The following NMT1 variants were observed in gnomAD, a reference collection of about 807,000 sequenced individuals.
NMT1 encodes the protein glycylpeptide N-tetradecanoyltransferase 1.
NMT1 carries 12 observed loss-of-function variants against 63.4 expected under a neutral mutation model. The observed-to-expected ratio is 0.19, with a 90% CI of 0.12 to 0.31. NMT1 has a LOEUF of 0.31. NMT1 is among the 10% of genes least tolerant of loss of function. The probability of loss-of-function intolerance (pLI) is 1.00; values close to 1 mark genes in which losing one functional copy is unlikely to be tolerated. For missense variants in NMT1, 432 were observed against 634.6 expected, an observed-to-expected ratio of 0.68 and a Z score of 3.43; for synonymous variants, 228 against 234.3, an observed-to-expected ratio of 0.97 and a Z score of 0.25.
At chr17:45,071,909 T>C (rs559509864) in intron 1 of NMT1, among the ~76,000 whole-genome samples, 196 of 152,252 alleles carry the variant, frequency 1.3e-3, no homozygotes, top group Non-Finnish European at 1.6e-3. Flanking sequence ...GGACCTGTTT[T>C]AGCTTCTCAA....
In NMT1 at chr17:45,104,671, A is replaced by T. The variant is rs2143526000; in HGVS notation, c.1333-188A>T. 1 of 1,426,012 alleles carries T rather than the reference A, an allele frequency of 7.0e-7. No individual in the cohort carries two copies. The highest frequency in any genetic ancestry group is 2.5e-5 in the East Asian group (1 of 39,226). 88.3% of individuals were successfully genotyped at this position (1,426,012 alleles called of 1,614,324 possible). On this transcript the variant is annotated intron_variant, in intron 10 of 11. Transcript: ENST00000258960. This position sits in a 1 kb window ranked among gnomAD's most constrained non-coding sequence, Gnocchi z 4.2. ...GGACACTGGGCAGAGGCCAGGCTGG[A>T]GGGGGCGCTCAGAGTGTCCTGAGAA...
Position 45,104,461 on chromosome 17 carries a change from G to A in NMT1, c.1333-398G>A, listed in dbSNP as rs1039869032. The A allele has an allele frequency of 1.6e-5, 17 of 1,091,748 alleles. No individual in the cohort carries two copies. In the South Asian group the frequency reaches 3.1e-4, roughly 20 times the overall value. 67.6% of individuals were successfully genotyped at this position (1,091,748 alleles called of 1,614,324 possible). ...GTGCACTGAGGGCCTGAGAGTTGGG[G>A]CATCCATGGAGTAAGGAAGCAACAC... On this transcript the variant is annotated intron_variant, in intron 10 of 11. Transcript: ENST00000258960. This position sits in a 1 kb window ranked among gnomAD's most constrained non-coding sequence, Gnocchi z 4.2.
chr17:45,065,350 A>G (rs531636785), intron 1 of NMT1, among the ~76,000 whole-genome samples: 21 of 152,208 alleles, frequency 1.4e-4, no homozygotes, highest in African/African-American at 3.9e-4. Context: ...GAGGCAGGGC[A>G]TGGTGGCTCA....
At chr17:45,100,863 A>C (rs1362619217) in intron 8 of NMT1, among the ~76,000 whole-genome samples, 4 of 5,168 alleles carry the variant, frequency 7.7e-4, no homozygotes, top group South Asian at 4.6e-3. Context: ...ACTCCGTCTC[A>C]AAAAAAAAAA....
chr17:45,064,084 C>A (rs1363302251), intron 1 of NMT1, among the ~76,000 whole-genome samples: 1 of 152,224 alleles, frequency 6.6e-6, no homozygotes, highest in Non-Finnish European at 1.5e-5. Flanking sequence ...ACTCGGGAGG[C>A]TGAGGCAGGA....
intron 1 of NMT1, among the ~76,000 whole-genome samples, chr17:45,068,453 CAGAG>C (rs369315227): frequency 1.2e-3 from 176 of 152,296 alleles, no homozygotes; most frequent in African/African-American, 4.0e-3. Context: ...GTCTGGGCGA[CAGAG>C]AGAGCCTCCA....
In NMT1 at chr17:45,104,563, A is replaced by G. The variant is rs1318857688; in HGVS notation, c.1333-296A>G. On this transcript the variant is annotated intron_variant, in intron 10 of 11. Transcript: ENST00000258960. This position sits in a 1 kb window ranked among gnomAD's most constrained non-coding sequence, Gnocchi z 4.2. ...TTTGGACTCCAGAGAGGACTGTGGAAATTACTAGAGTTTCAGGGAGGCATA... is the reference window on the plus strand; with the variant it reads ...TTTGGACTCCAGAGAGGACTGTGGAGATTACTAGAGTTTCAGGGAGGCATA... 2.5e-6 allele frequency: 3 copies of G among 1,191,004 alleles called. No homozygotes were observed. The highest frequency in any genetic ancestry group is 3.1e-6 in the Non-Finnish European group (3 of 955,018). The allele number at this position is 1,191,004 out of a possible 1,614,324, so 73.8% of individuals were successfully genotyped here.
At chr17:45,083,036 G>A (rs2054026672) in intron 2 of NMT1, among the ~76,000 whole-genome samples, 1 of 143,832 alleles carries the variant, frequency 7.0e-6, no homozygotes, top group African/African-American at 2.6e-5. Context: ...AAATTAAGTG[G>A]CCAGGCATGG....
At chr17:45,089,244 G>A (rs2054073183) in intron 3 of NMT1, among the ~76,000 whole-genome samples, 2 of 152,040 alleles carry the variant, frequency 1.3e-5, no homozygotes. Context: ...TATAAATCTC[G>A]TGCATATCAG....
chr17:45,070,997 G>C (rs191382577), intron 1 of NMT1, among the ~76,000 whole-genome samples: 11 of 152,302 alleles, frequency 7.2e-5, no homozygotes, highest in Middle Eastern at 3.4e-3. Context: ...GAAGTACAGA[G>C]ACTAGACAGC....
At chr17:45,067,885 G>A (rs2053913042) in intron 1 of NMT1, among the ~76,000 whole-genome samples, 1 of 152,200 alleles carries the variant, frequency 6.6e-6, no homozygotes, top group Non-Finnish European at 1.5e-5. Flanking sequence ...GCTGCTCATG[G>A]CACAGCAGTT....
intron 2 of NMT1, chr17:45,083,550 A>G (rs993407094): frequency 2.6e-5 from 4 of 152,212 alleles, no homozygotes; most frequent in Non-Finnish European, 4.4e-5. Context: ...ATTTAATACC[A>G]TGTTGCACTT....
At chr17:45,075,379 G>C (rs1358426785) in intron 1 of NMT1, among the ~76,000 whole-genome samples, 2 of 151,764 alleles carry the variant, frequency 1.3e-5, no homozygotes, top group African/African-American at 4.8e-5. Flanking sequence ...AGCTACTCAG[G>C]AGGCCGAGGT....
Position 45,103,616 on chromosome 17 carries a change from C to G in NMT1, c.1165-93C>G. On this transcript the variant is annotated intron_variant, in intron 9 of 11. Transcript: ENST00000258960. The surrounding 1 kb of genome is among the most constrained non-coding windows in gnomAD (Gnocchi z 4.8). ...CAGCCATTTATCTAGAGGGGCAGAGCTGCCTGAAGGTGGAGTGAGAGAAAC... is the reference window on the plus strand; with the variant it reads ...CAGCCATTTATCTAGAGGGGCAGAGGTGCCTGAAGGTGGAGTGAGAGAAAC... The G allele has an allele frequency of 7.8e-7, 1 of 1,286,114 alleles. No individual in the cohort carries two copies. Among genetic ancestry groups the G allele is most frequent in the Non-Finnish European group, 1.1e-6 (1 of 920,178 alleles). The allele number at this position is 1,286,114 out of a possible 1,614,324, so 79.7% of individuals were successfully genotyped here. A position where few individuals can be genotyped will look rare whatever the true frequency, so the allele number is the denominator to read the frequency against.
intron 3 of NMT1, among the ~76,000 whole-genome samples, chr17:45,087,819 A>G (rs990630340): frequency 3.9e-5 from 6 of 152,086 alleles, no homozygotes; most frequent in African/African-American, 1.4e-4. Context: ...GGTAGGGCTA[A>G]AGACTGGTGA....
intron 1 of NMT1, among the ~76,000 whole-genome samples, chr17:45,067,510 G>A (rs2053910640): frequency 6.6e-6 from 1 of 152,122 alleles, no homozygotes; most frequent in Admixed American, 6.6e-5. Flanking sequence ...AAACTTAGGA[G>A]GAGAGAAAAG....
chr17:45,088,530 G>T (rs984636393), intron 3 of NMT1, among the ~76,000 whole-genome samples: 1 of 152,170 alleles, frequency 6.6e-6, no homozygotes, highest in Non-Finnish European at 1.5e-5. Context: ...CGAGGCAGGC[G>T]GATGACCTGA....
In NMT1 at chr17:45,105,546, A is replaced by C; in HGVS notation, c.1471-73A>C. The C allele has an allele frequency of 6.4e-7, 1 of 1,560,326 alleles. No individual in the cohort carries two copies. Among genetic ancestry groups the C allele is most frequent in the East Asian group, 2.3e-5 (1 of 44,056 alleles). On this transcript the variant is annotated intron_variant, in intron 11 of 11. Transcript: ENST00000258960. The surrounding 1 kb of genome is among the most constrained non-coding windows in gnomAD (Gnocchi z 4.2). Reference sequence around the variant, plus strand: ...CCCGGGCCCAGCCACTCGGAACTTCAGGGATAGGGGGTGTGGGAGAGTCTT... The same window carrying C: ...CCCGGGCCCAGCCACTCGGAACTTCCGGGATAGGGGGTGTGGGAGAGTCTT...
chr17:45,072,923 G>A (rs1193269496), intron 1 of NMT1, among the ~76,000 whole-genome samples: 4 of 152,154 alleles, frequency 2.6e-5, no homozygotes, highest in Admixed American at 2.6e-4. Context: ...CAAGAGCACA[G>A]CATTTCCATT....
Sources: allele counts gnomAD v4.1 joint callset (sites outside exome capture counted in the v4.1 genomes callset), GRCh38; gene constraint gnomAD v4.1.1; non-coding constraint Gnocchi (gnomAD v3.1); transcripts MANE v1.5; gene names NCBI Gene and HGNC (gene_info 2026-07-23, HGNC 2026-07-21).